ANO1: variants seen among roughly 807,000 people sequenced by gnomAD.
The protein encoded by ANO1 is anoctamin 1, also known as anoctamin-1.
In ANO1, 59 loss-of-function variants were observed where a neutral mutation model predicts 124.0. The ratio of observed to expected loss-of-function variants is 0.48; its 90% CI spans 0.39 to 0.59. The LOEUF (loss-of-function observed/expected upper bound fraction) is 0.59, where lower values mean the gene tolerates loss of function less well. ANO1 is among the 20% of genes least tolerant of loss of function. The pLI is 0.00. For missense variants in ANO1, 1,059 were observed against 1,328.0 expected, an observed-to-expected ratio of 0.80 and a Z score of 3.15; for synonymous variants, 529 against 532.0, an observed-to-expected ratio of 0.99 and a Z score of 0.08.
At chr11:70,111,682 CCTT>C (rs1428537792) in intron 6 of ANO1, 22 bp from the exon 7 acceptor site, 9 of 1,613,572 alleles carry the variant, frequency 5.6e-6, no homozygotes, top group Non-Finnish European at 7.6e-6. Context: ...TGCCCCATAA[CCTT>C]CTCTCTGCCT....
intron 6 of ANO1, among the ~76,000 whole-genome samples, chr11:70,110,104 C>A (rs1037419945): frequency 6.6e-6 from 1 of 150,896 alleles, no homozygotes; most frequent in African/African-American, 2.4e-5. Flanking sequence ...AAAGGCCCTG[C>A]GGCAGGCAGC....
chr11:70,005,954 G>A (rs909986870), intron 1 of ANO1, among the ~76,000 whole-genome samples: 1 of 148,780 alleles, frequency 6.7e-6, no homozygotes, highest in Admixed American at 6.8e-5. Flanking sequence ...TTTTCAGTCT[G>A]TAAAACACTT....
At chr11:69,986,826 G>A (rs1420749476) in intron 1 of ANO1, among the ~76,000 whole-genome samples, 1 of 152,072 alleles carries the variant, frequency 6.6e-6, no homozygotes, top group Non-Finnish European at 1.5e-5. Flanking sequence ...TCCCCTCCCA[G>A]TTCAGAGGTT....
At chr11:69,984,792 T>C (rs549098408), upstream of ANO1, among the ~76,000 whole-genome samples, 1 of 152,334 alleles carries the variant, frequency 6.6e-6, no homozygotes, top group Admixed American at 6.5e-5. Flanking sequence ...GGGCTGGTCC[T>C]CAGCACCAAA....
chr11:70,157,063 C>G (rs2047843251), intron 16 of ANO1, 42 bp downstream of exon 16: 1 of 1,571,758 alleles, frequency 6.4e-7, no homozygotes, highest in Admixed American at 1.7e-5. Context: ...TCAGGGGAAA[C>G]CGCAAGGAAG....
At chr11:69,979,498 T>A in the ANO1 span, among the ~76,000 whole-genome samples, 8 of 152,224 alleles carry the variant, frequency 5.3e-5, no homozygotes, top group Non-Finnish European at 8.8e-5. Flanking sequence ...CAATAATTCA[T>A]ACTTCATACG....
chr11:70,155,882 G>A (rs532024760), intron 14 of ANO1, 29 bp from the exon 15 acceptor site: 13 of 1,529,118 alleles, frequency 8.5e-6, no homozygotes, highest in African/African-American at 2.8e-5. Flanking sequence ...TTCACCGCAC[G>A]GTGCTCTCTT....
chr11:70,062,155 C>T (rs1260907091), intron 1 of ANO1, among the ~76,000 whole-genome samples: 1 of 134,946 alleles, frequency 7.4e-6, no homozygotes, highest in African/African-American at 2.8e-5. Context: ...TGGCTCACTG[C>T]AACCTCTGCC....
intron 11 of ANO1, among the ~76,000 whole-genome samples, chr11:70,132,413 C>T (rs1008024479): frequency 7.9e-5 from 12 of 152,188 alleles, no homozygotes; most frequent in African/African-American, 2.4e-4. Context: ...GTCCTGCCTC[C>T]ATCCCTGCTG....
intron 6 of ANO1, chr11:70,111,210 C>T (rs1385235349): frequency 1.1e-5 from 5 of 457,874 alleles, no homozygotes; most frequent in Non-Finnish European, 2.2e-5. Flanking sequence ...GGGCCTCCTC[C>T]GGCTTTCCCA....
intron 2 of ANO1, among the ~76,000 whole-genome samples, chr11:70,102,028 T>C (rs2045299186): frequency 2.0e-5 from 3 of 152,188 alleles, no homozygotes; most frequent in Non-Finnish European, 4.4e-5. Context: ...TGATGTGACA[T>C]GTGTCTTTGA....
chr11:70,061,250 T>C (rs1857569094), intron 1 of ANO1, among the ~76,000 whole-genome samples: 1 of 151,868 alleles, frequency 6.6e-6, no homozygotes, highest in Non-Finnish European at 1.5e-5. Context: ...CTGGGAAGAT[T>C]GGTAAGAGGG....
intron 17 of ANO1, 99 bp from the exon 18 acceptor site, chr11:70,161,523 C>A: frequency 7.0e-7 from 1 of 1,427,654 alleles, no homozygotes; most frequent in Non-Finnish European, 9.8e-7. Flanking sequence ...CCTATGAGAG[C>A]CGACTGAGTG....
In ANO1 at chr11:70,062,996, C is replaced by G. The variant is rs1475003346; in HGVS notation, c.59-15546C>G. Among the ~76,000 whole-genome samples the G allele has an allele frequency of 2.6e-5, 4 of 152,132 alleles. No homozygotes were observed. The South Asian group carries it at 8.3e-4, about 32-fold the overall frequency. ...CCAGGCTGGAGTACAGTGGTGCAAT[C>G]TCGGCTCACTGCAACCTCTGCCTCC... On this transcript the variant is annotated intron_variant, in intron 1 of 27. Transcript: ENST00000531349.
At chr11:70,105,851 A>C in intron 5 of ANO1, 63 bp downstream of exon 5, 1 of 1,535,778 alleles carries the variant, frequency 6.5e-7, no homozygotes, top group Non-Finnish European at 9.0e-7. Flanking sequence ...TCCAGATGAT[A>C]ATTTCATTTT....
chr11:69,980,880 C>T, the ANO1 span, among the ~76,000 whole-genome samples: 8 of 151,900 alleles, frequency 5.3e-5, no homozygotes, highest in Admixed American at 1.3e-4. Context: ...GGTGAAACCC[C>T]GTCTCTACTA....
the ANO1 span, among the ~76,000 whole-genome samples, chr11:69,973,741 G>A: frequency 2.2e-4 from 33 of 151,880 alleles, no homozygotes; most frequent in South Asian, 2.9e-3. Flanking sequence ...GCGTGGTGGT[G>A]CGTGCCTGTA....
At chr11:70,126,667 C>T (rs2046524464) in intron 10 of ANO1, among the ~76,000 whole-genome samples, 2 of 151,280 alleles carry the variant, frequency 1.3e-5, no homozygotes, top group South Asian at 2.1e-4. Flanking sequence ...TGCTAGGCTT[C>T]GGTGCAGGCT....
chr11:70,006,644 C>T (rs1274185815), intron 1 of ANO1, among the ~76,000 whole-genome samples: 9 of 112,518 alleles, frequency 8.0e-5, no homozygotes, highest in Admixed American at 2.0e-4. Context: ...TTTCTTTCTT[C>T]TTTCTTTCTT....
Sources: allele counts gnomAD v4.1 joint callset (sites outside exome capture counted in the v4.1 genomes callset), GRCh38; gene constraint gnomAD v4.1.1; transcripts MANE v1.5; gene names NCBI Gene and HGNC (gene_info 2026-07-23, HGNC 2026-07-21).